ZNF93: variants seen among roughly 807,000 people sequenced by gnomAD.
ZNF93 encodes the protein zinc finger protein 93, also known as zinc finger protein 505.
In ZNF93, 29 loss-of-function variants were observed where a neutral mutation model predicts 45.0. The observed-to-expected ratio is 0.64, with a 90% confidence interval of 0.48 to 0.88. The LOEUF is 0.88. Among genes scored for constraint, ZNF93 ranks in the 40% least tolerant of loss-of-function variants. The probability of loss-of-function intolerance (pLI) is 0.00; values close to 1 mark genes in which losing one functional copy is unlikely to be tolerated. For missense variants in ZNF93, 578 were observed against 724.0 expected (o/e 0.80, Z 2.31); for synonymous variants, 223 against 244.6 (o/e 0.91, Z 0.82).
Position 19,934,921 on chromosome 19 carries a change from C to G in ZNF93, c.*103C>G. On this transcript the variant is annotated 3_prime_UTR_variant, in exon 4 of 4. Coordinates refer to ENST00000343769, the MANE Select transcript of ZNF93 (RefSeq NM_031218.4). The stretch of plus-strand genomic sequence containing the variant: ...AACCATCCCAAACTCCTCCCAGGCA[C>G]AGTCTGGCAGAGGTCCTGCCATTTC... The G allele has an allele frequency of 2.3e-6, 3 of 1,282,840 alleles. No individual in the cohort carries two copies. The highest frequency in any genetic ancestry group is 2.1e-6 in the Non-Finnish European group (2 of 940,716). 79.5% of individuals were successfully genotyped at this position (1,282,840 alleles called of 1,614,324 possible). A position where few individuals can be genotyped will look rare whatever the true frequency, so the allele number is the denominator to read the frequency against.
chr19:19,925,622 T>G, intron 3 of ZNF93, among the ~76,000 whole-genome samples: 1 of 152,230 alleles, frequency 6.6e-6, no homozygotes, highest in East Asian at 1.9e-4. Context: ...TCAAGTAAAT[T>G]AGATAATTAG....
In ZNF93 at chr19:19,920,195, G is replaced by T. The variant is rs190172553; in HGVS notation, c.226+3540G>T. On this transcript the variant is annotated intron_variant, in intron 3 of 3. Coordinates refer to ENST00000343769, the MANE Select transcript of ZNF93 (RefSeq NM_031218.4). ...AATTTTGTCAAAGGCCTTTTCTGCA[G>T]CTATTGAGATAATCATGTGGTTTTT... 2.5e-3 allele frequency among the ~76,000 whole-genome samples: 375 copies of T among 152,242 alleles called. 3 individuals carry two copies. Among genetic ancestry groups the T allele is most frequent in the Middle Eastern group, 0.01 (3 of 294 alleles).
chr19:19,920,745 G>C (rs2063340659), intron 3 of ZNF93, among the ~76,000 whole-genome samples: 1 of 152,128 alleles, frequency 6.6e-6, no homozygotes, highest in Admixed American at 6.5e-5. Context: ...GGTGTTTATG[G>C]TATTCTCTGA....
At chr19:19,911,675 G>T (rs1035621780) in intron 1 of ZNF93, among the ~76,000 whole-genome samples, 14 of 152,106 alleles carry the variant, frequency 9.2e-5, no homozygotes, top group Admixed American at 7.2e-4. Context: ...TTGGGCTTTA[G>T]ACCACTTTCT....
intron 3 of ZNF93, among the ~76,000 whole-genome samples, chr19:19,917,472 C>T (rs1326404064): frequency 6.6e-6 from 1 of 151,698 alleles, no homozygotes; most frequent in African/African-American, 2.4e-5. Flanking sequence ...ATTTTTCTTC[C>T]TCTATTTTGT....
In ZNF93 at chr19:19,929,932, C is replaced by T. The variant is rs572845038; in HGVS notation, c.227-3250C>T. On this transcript the variant is annotated intron_variant, in intron 3 of 3. Coordinates refer to ENST00000343769, the MANE Select transcript of ZNF93 (RefSeq NM_031218.4). ...CAGCCTGGGCAACAGAGCGAGACTCCGTCTCAAAAAAAAAAAAAAAAAAAA... is the reference window on the plus strand; with the variant it reads ...CAGCCTGGGCAACAGAGCGAGACTCTGTCTCAAAAAAAAAAAAAAAAAAAA... 4.2e-3 allele frequency among the ~76,000 whole-genome samples: 366 copies of T among 86,136 alleles called. 10 individuals are homozygous for T. Among genetic ancestry groups the T allele is most frequent in the African/African-American group, 0.02 (337 of 16,994 alleles). The allele number at this position is 86,136 out of a possible 152,430, so 56.5% of individuals were successfully genotyped here.
chr19:19,930,856 C>T (rs1325098337), intron 3 of ZNF93, among the ~76,000 whole-genome samples: 2 of 152,222 alleles, frequency 1.3e-5, no homozygotes, highest in Non-Finnish European at 1.5e-5. Context: ...TATGCTGGAA[C>T]AGCTCATGTC....
chr19:19,930,684 A>G (rs993859285), intron 3 of ZNF93, among the ~76,000 whole-genome samples: 1 of 152,090 alleles, frequency 6.6e-6, no homozygotes, highest in African/African-American at 2.4e-5. Flanking sequence ...CTCAGCTCCT[A>G]TCTCTGTATG....
intron 3 of ZNF93, among the ~76,000 whole-genome samples, chr19:19,931,507 T>G (rs2063374390): frequency 6.6e-6 from 1 of 152,132 alleles, no homozygotes; most frequent in Non-Finnish European, 1.5e-5. Context: ...ATTTTTGAGA[T>G]AGTGTCTCAC....
chr19:19,906,397 G>A (rs1267245948), intron 1 of ZNF93, among the ~76,000 whole-genome samples: 1 of 152,016 alleles, frequency 6.6e-6, no homozygotes. Flanking sequence ...GGTTATTCTT[G>A]TAAAATTGTT....
chr19:19,913,711 G>A (rs1259389230), intron 1 of ZNF93, among the ~76,000 whole-genome samples: 2 of 152,118 alleles, frequency 1.3e-5, no homozygotes, highest in Non-Finnish European at 2.9e-5. Context: ...GCCAGAAGAT[G>A]TCATGCTAGC....
rs75912495 is a variant in ZNF93, at chr19:19,902,102, C to T, written c.3+1011C>T. ...GACTCCGTCTTAAAAAAAAAATAGA[C>T]ATCTTAAAATTTCCTTCCCTTATGT... is the stretch of plus-strand genomic sequence containing the variant. On this transcript the variant is annotated intron_variant, in intron 1 of 3. Coordinates refer to ENST00000343769, the MANE Select transcript of ZNF93 (RefSeq NM_031218.4). 2.7e-3 allele frequency among the ~76,000 whole-genome samples: 414 copies of T among 152,100 alleles called. 4 individuals are homozygous for T. The highest frequency in any genetic ancestry group is 0.01 in the Middle Eastern group (3 of 294).
At chr19:19,930,062 GTC>G (rs2063368778) in intron 3 of ZNF93, among the ~76,000 whole-genome samples, 1 of 151,766 alleles carries the variant, frequency 6.6e-6, no homozygotes, top group African/African-American at 2.4e-5. Context: ...GGCCCCGAAT[GTC>G]TGGCTGCAGT....
intron 3 of ZNF93, among the ~76,000 whole-genome samples, chr19:19,919,951 C>T (rs1048002699): frequency 3.3e-5 from 5 of 152,184 alleles, no homozygotes; most frequent in African/African-American, 1.2e-4. Context: ...TTTCCTTCTC[C>T]TGCCTGATTG....
chr19:19,910,554 A>G (rs1003209838), intron 1 of ZNF93, among the ~76,000 whole-genome samples: 1 of 152,170 alleles, frequency 6.6e-6, no homozygotes, highest in African/African-American at 2.4e-5. Flanking sequence ...CTGGTAATCA[A>G]AATGCAGATT....
intron 3 of ZNF93, among the ~76,000 whole-genome samples, chr19:19,921,540 G>A (rs541186513): frequency 1.3e-5 from 2 of 152,174 alleles, no homozygotes; most frequent in Admixed American, 6.5e-5. Flanking sequence ...TTGATAATGG[G>A]GTGTTAAAGT....
intron 3 of ZNF93, among the ~76,000 whole-genome samples, chr19:19,924,852 A>T (rs2122187137): frequency 6.6e-6 from 1 of 152,264 alleles, no homozygotes; most frequent in South Asian, 2.1e-4. Context: ...CAGCCTCCCA[A>T]AGTGCTGGAA....
At chr19:19,905,759 A>AT (rs369477067) in intron 1 of ZNF93, among the ~76,000 whole-genome samples, 1,585 of 145,654 alleles carry the variant, frequency 0.011, 13 homozygotes, top group South Asian at 0.029. Flanking sequence ...CACCTGGCCA[A>AT]TTTTTTTTTT....
intron 1 of ZNF93, among the ~76,000 whole-genome samples, chr19:19,902,945 G>C (rs1403519718): frequency 6.6e-6 from 1 of 151,778 alleles, no homozygotes; most frequent in Non-Finnish European, 1.5e-5. Flanking sequence ...TTCACCGTGT[G>C]AGCCAGGATG....
Sources: allele counts gnomAD v4.1 joint callset (sites outside exome capture counted in the v4.1 genomes callset), GRCh38; gene constraint gnomAD v4.1.1; transcripts MANE v1.5; gene names NCBI Gene and HGNC (gene_info 2026-07-23, HGNC 2026-07-21).